The following ITGAL variants were observed in gnomAD, a reference collection of about 807,000 sequenced individuals.
ITGAL encodes the protein integrin alpha-L.
Under a neutral mutation model 138.4 loss-of-function variants are expected in ITGAL, and 68 were observed. The observed-to-expected ratio is 0.49, with a 90% CI of 0.40 to 0.60. The LOEUF (loss-of-function observed/expected upper bound fraction) is 0.60. Among genes scored for constraint, ITGAL ranks in the 20% least tolerant of loss-of-function variants. The pLI is 0.00. For synonymous variants in ITGAL, 561 were observed against 584.3 expected (o/e 0.96, Z 0.57); for missense variants, 1,256 against 1,478.6 (o/e 0.85, Z 2.47).
intron 9 of ITGAL, among the ~76,000 whole-genome samples, chr16:30,486,852 G>T (rs1266117407): frequency 6.6e-6 from 1 of 152,172 alleles, no homozygotes; most frequent in Non-Finnish European, 1.5e-5. Flanking sequence ...CTGGAGTGCA[G>T]TAGTGCGATC....
intron 17 of ITGAL, among the ~76,000 whole-genome samples, chr16:30,499,731 ATAT>A (rs1399790044): frequency 1.0e-5 from 1 of 96,682 alleles, no homozygotes; most frequent in Non-Finnish European, 1.8e-5. Flanking sequence ...ATATATATAT[ATAT>A]TTTTTTTTTT....
At chr16:30,487,538 T>TA (rs2050665520) in intron 9 of ITGAL, among the ~76,000 whole-genome samples, 1 of 151,762 alleles carries the variant, frequency 6.6e-6, no homozygotes, top group Non-Finnish European at 1.5e-5. Flanking sequence ...GCCTCCCAAG[T>TA]AGCTAGTAGT....
In ITGAL at chr16:30,516,993, C is replaced by T. The variant is rs781698533; in HGVS notation, c.2883C>T (p.Ile961=). Residue 961 remains isoleucine, a synonymous_variant, in exon 26 of 31, where the codon ATC becomes ATT. Transcript: ENST00000356798. Reference sequence around the variant, plus strand: ...GCCAGGTGAGGATCCAGCCTTCCATCCACGACCACAACATACCCACCCTGG... The same window carrying T: ...GCCAGGTGAGGATCCAGCCTTCCATTCACGACCACAACATACCCACCCTGG... The part of the protein sequence containing the change: ...HMYQVRIQPS[I]HDHNIPTLEA... 2 of 1,613,624 alleles carry T rather than the reference C, an allele frequency of 1.2e-6. No individual in the cohort carries two copies.
intron 2 of ITGAL, 106 bp downstream of exon 2, chr16:30,474,404 C>A: frequency 5.4e-6 from 4 of 740,776 alleles, no homozygotes; most frequent in South Asian, 1.6e-5. Context: ...TGGCACGAGG[C>A]AGCTCTCCAG....
At chr16:30,511,232 T>G in intron 24 of ITGAL, 96 bp downstream of exon 24, 1 of 924,068 alleles carries the variant, frequency 1.1e-6, no homozygotes, top group Non-Finnish European at 1.8e-6. Flanking sequence ...CTTCTGAACC[T>G]CCTTCCTTTC....
At chr16:30,506,262 TA>T (rs59616156) in intron 20 of ITGAL, among the ~76,000 whole-genome samples, 96 of 111,310 alleles carry the variant, frequency 8.6e-4, no homozygotes, top group Middle Eastern at 5.8e-3. Flanking sequence ...TCTGTCTCAA[TA>T]AAAAAAAAAA....
intron 30 of ITGAL, 139 bp from the exon 31 acceptor site, chr16:30,521,352 AG>A (rs2051250479): frequency 9.5e-6 from 6 of 631,300 alleles, no homozygotes; most frequent in Non-Finnish European, 1.6e-5. Flanking sequence ...GGTTGCAGTG[AG>A]CCGAGATCGC....
At chr16:30,484,285 A>T (rs750543473) in intron 9 of ITGAL, 22 bp downstream of exon 9, 11 of 1,600,240 alleles carry the variant, frequency 6.9e-6, no homozygotes, top group Admixed American at 6.9e-5. Flanking sequence ...GCCCTGGGAG[A>T]GGGCTCGGGA....
Position 30,517,833 on chromosome 16 carries a change from G to A in ITGAL, c.3070G>A (p.Val1024Ile). ...CGGAGCCCTGTTCCGCTGCCCTGTT[G>A]TCTTCAGGCAGGAGATCCTCGTCCA... ...LPGALFRCPV[V>I]FRQEILVQVI... The change falls in exon 28 of 31, where the codon GTC becomes ATC. Residue 1024 changes from valine to isoleucine, a missense_variant. This residue lies in a region of ITGAL where 867 missense variants were observed against 972.5 expected (regional missense o/e 0.89). Coordinates refer to ENST00000356798, the MANE Select transcript of ITGAL (RefSeq NM_002209.3). 6.2e-7 allele frequency: 1 copy of A among 1,614,198 alleles called. No individual in the cohort carries two copies. The highest frequency in any genetic ancestry group is 8.5e-7 in the Non-Finnish European group (1 of 1,180,036).
chr16:30,503,155 A>G (rs79062867), intron 17 of ITGAL, among the ~76,000 whole-genome samples: 1,837 of 152,210 alleles, frequency 0.012, 33 homozygotes, highest in African/African-American at 0.041. Context: ...ATCACACAAA[A>G]CTAGAAAAAA....
chr16:30,511,113 C>G lies in ITGAL; in HGVS notation c.2763C>G (p.Tyr921Ter). The change falls in exon 24 of 31, where the codon TAC (tyrosine) becomes TAG (stop). Residue 921 changes from tyrosine to a stop codon, truncating the protein, a stop_gained. Transcript: ENST00000356798. LOFTEE classifies it high-confidence loss of function. ...NSATTIIPILYPINILIQDQE... is the reference protein window; with the variant it reads ...NSATTIIPIL ...CCACTACCATCATCCCCATCCTGTA[C>G]CCCATCAACATCCTCATCCAGGAGT... 1 of 1,613,500 alleles carries G rather than the reference C, an allele frequency of 6.2e-7. No homozygotes were observed. The highest frequency in any genetic ancestry group is 8.5e-7 in the Non-Finnish European group (1 of 1,179,484).
chr16:30,485,336 C>T (rs2050630313), intron 9 of ITGAL, among the ~76,000 whole-genome samples: 1 of 94,154 alleles, frequency 1.1e-5, no homozygotes, highest in African/African-American at 4.2e-5. Flanking sequence ...ACGCCATTCT[C>T]CTGCCTCAGC....
chr16:30,489,863 G>C (rs2050699954), intron 11 of ITGAL, among the ~76,000 whole-genome samples: 1 of 152,118 alleles, frequency 6.6e-6, no homozygotes, highest in South Asian at 2.1e-4. Flanking sequence ...TTGAACCTGA[G>C]AGGAGGAGGT....
intron 4 of ITGAL, among the ~76,000 whole-genome samples, chr16:30,475,927 T>C (rs2050464885): frequency 6.6e-6 from 1 of 151,812 alleles, no homozygotes; most frequent in Non-Finnish European, 1.5e-5. Flanking sequence ...AATTTTTATA[T>C]TTTTTGTAGA....
intron 6 of ITGAL, 41 bp from the exon 7 acceptor site, chr16:30,481,398 G>C (rs992824601): frequency 6.7e-7 from 1 of 1,497,422 alleles, no homozygotes; most frequent in Admixed American, 1.9e-5. Flanking sequence ...CAAATGGAAA[G>C]GGATATATAA....
At chr16:30,517,458 T>C (rs547016690) in intron 26 of ITGAL, among the ~76,000 whole-genome samples, 191 bp from the exon 27 acceptor site, 1 of 151,372 alleles carries the variant, frequency 6.6e-6, no homozygotes, top group Non-Finnish European at 1.5e-5. Context: ...ACCCTGTCTC[T>C]AACAAAGAAA....
At chr16:30,499,719 A>ATATATACG (rs2050861093) in intron 17 of ITGAL, among the ~76,000 whole-genome samples, 1 of 105,950 alleles carries the variant, frequency 9.4e-6, no homozygotes, top group African/African-American at 5.0e-5. Context: ...ATATGTATAT[A>ATATATACG]TATATATATA....
At position 30,474,216 on chromosome 16, in the gene ITGAL, C is replaced by T. The variant is rs1443902180; in HGVS notation, c.82C>T (p.Leu28=). 1 of 1,607,572 alleles carries T rather than the reference C, an allele frequency of 6.2e-7. No homozygotes were observed. The highest frequency in any genetic ancestry group is 8.5e-7 in the Non-Finnish European group (1 of 1,177,356). The change falls in exon 2 of 31, where the codon CTG becomes TTG. Residue 28 remains leucine (L), a synonymous_variant. Coordinates refer to ENST00000356798, the MANE Select transcript of ITGAL (RefSeq NM_002209.3). ...CTCAGCGCCGGCCTCGAGCTACAAC[C>T]TGGACGTGCGGGGCGCGCGGAGCTT... is the stretch of plus-strand genomic sequence containing the variant. ...FFFAPASSYN[L]DVRGARSFSP...
rs772011310 is a variant in ITGAL, at chr16:30,499,490, G to A, written c.2145+1G>A. ...CACTGACTTCTCATTTCATTTCCCGGTAAGGGAGCCAGCGCCAATGCTCTG... is the reference window on the plus strand; with the variant it reads ...CACTGACTTCTCATTTCATTTCCCGATAAGGGAGCCAGCGCCAATGCTCTG... On this transcript the variant is annotated splice_donor_variant, in intron 17 of 30. Coordinates refer to ENST00000356798, the MANE Select transcript of ITGAL (RefSeq NM_002209.3). LOFTEE classifies it high-confidence loss of function. The A allele has an allele frequency of 5.0e-6, 8 of 1,613,216 alleles. No homozygotes were observed. The highest frequency in any genetic ancestry group is 6.8e-6 in the Non-Finnish European group (8 of 1,179,910).
Sources: gnomAD v4.1 joint callset for allele counts (sites outside exome capture counted in the v4.1 genomes callset) on GRCh38, gnomAD v4.1.1 for gene constraint, gnomAD v4.1.1 regional missense constraint, MANE v1.5 for transcripts, NCBI Gene and HGNC (gene_info 2026-07-23, HGNC 2026-07-21) for gene names.